ZFAND3: variants seen among roughly 807,000 people sequenced by gnomAD.
The protein encoded by ZFAND3 is zinc finger AN1-type containing 3.
In ZFAND3, 10 loss-of-function variants were observed where a neutral mutation model predicts 29.6. The ratio of observed to expected loss-of-function variants is 0.34; its 90% confidence interval spans 0.21 to 0.57. The LOEUF (loss-of-function observed/expected upper bound fraction) is 0.57, where lower values mean the gene tolerates loss of function less well. Ranked by LOEUF, ZFAND3 falls within the 20% of genes least tolerant of loss-of-function variation. The pLI, the probability that ZFAND3 is intolerant of heterozygous loss-of-function variation, is 0.86. For missense variants in ZFAND3, 230 were observed against 304.5 expected (o/e 0.76, Z 1.82); for synonymous variants, 128 against 112.6 (o/e 1.14, Z -0.87).
chr6:38,017,845 A>AT (rs1466764478), intron 2 of ZFAND3, among the ~76,000 whole-genome samples: 1 of 152,224 alleles, frequency 6.6e-6, no homozygotes, highest in Non-Finnish European at 1.5e-5. Context: ...ACTACAGAAA[A>AT]TAATATTCAT....
chr6:38,112,442 A>C (rs11753563), intron 4 of ZFAND3, among the ~76,000 whole-genome samples: 10,382 of 151,364 alleles, frequency 0.069, 425 homozygotes, highest in Non-Finnish European at 0.087. Flanking sequence ...TGCTTCTGAC[A>C]GTTAAAGCTG....
At chr6:38,127,979 C>G (rs922680402) in intron 5 of ZFAND3, among the ~76,000 whole-genome samples, 11 of 152,190 alleles carry the variant, frequency 7.2e-5, no homozygotes, top group Admixed American at 6.5e-4. Context: ...ATTTCTTGGT[C>G]TTTCTTCCAA....
At position 38,103,047 on chromosome 6, in the gene ZFAND3, G is replaced by A. The variant is rs562777022; in HGVS notation, c.362-13525G>A. ...GCTGGGATTATAGGCGTGAGCCACCGCGCCTGGCTGGAAGTTTAACTTCTA... is the reference window on the plus strand; with the variant it reads ...GCTGGGATTATAGGCGTGAGCCACCACGCCTGGCTGGAAGTTTAACTTCTA... On this transcript the variant is annotated intron_variant, in intron 4 of 5. Coordinates refer to ENST00000287218, the MANE Select transcript of ZFAND3 (RefSeq NM_021943.3). Among the ~76,000 whole-genome samples, 7 of 152,262 alleles carry A rather than the reference G, an allele frequency of 4.6e-5. No homozygotes were observed. In the East Asian group the frequency reaches 5.8e-4, roughly 13 times the overall value.
chr6:37,969,823 A>C (rs1056492305), intron 2 of ZFAND3, among the ~76,000 whole-genome samples: 1 of 152,204 alleles, frequency 6.6e-6, no homozygotes, highest in Non-Finnish European at 1.5e-5. Context: ...CTCCCTAAAA[A>C]TCTGAGGGAA....
At chr6:37,882,998 C>G (rs1225979696) in intron 1 of ZFAND3, among the ~76,000 whole-genome samples, 1 of 152,110 alleles carries the variant, frequency 6.6e-6, no homozygotes, top group Non-Finnish European at 1.5e-5. Context: ...GCAGAAGAAT[C>G]ATTTGAGGCC....
At chr6:38,129,014 A>G (rs1765690929) in intron 5 of ZFAND3, among the ~76,000 whole-genome samples, 1 of 152,192 alleles carries the variant, frequency 6.6e-6, no homozygotes, top group Admixed American at 6.5e-5. Flanking sequence ...TTTTTTGATT[A>G]TGATCATTCT....
chr6:38,012,743 T>TA (rs1237853364), intron 2 of ZFAND3, among the ~76,000 whole-genome samples: 1 of 152,166 alleles, frequency 6.6e-6, no homozygotes. Context: ...GAATGGCAGT[T>TA]AAAGGCCTTT....
chr6:37,975,949 A>T, intron 2 of ZFAND3, among the ~76,000 whole-genome samples: 1 of 152,128 alleles, frequency 6.6e-6, no homozygotes. Context: ...GATTGCTGTG[A>T]ATGTGTAGAT....
At chr6:38,134,167 C>T in intron 5 of ZFAND3, among the ~76,000 whole-genome samples, 1 of 152,144 alleles carries the variant, frequency 6.6e-6, no homozygotes, top group East Asian at 1.9e-4. Flanking sequence ...ACAGCATGGT[C>T]ACCTTTTGGT....
chr6:38,111,534 C>T (rs931050006), intron 4 of ZFAND3, among the ~76,000 whole-genome samples: 2 of 152,188 alleles, frequency 1.3e-5, no homozygotes, highest in African/African-American at 4.8e-5. Flanking sequence ...CCCCACTCCT[C>T]CTTCGTCTCC....
chr6:37,886,902 G>C lies in ZFAND3; in HGVS notation c.72-43057G>C, dbSNP rs148947307. ...GCCTGTAATTCCAGCTACTCAGGAGGCTTAGGCACATGAATTGCTTGACCT... is the reference window on the plus strand; with the variant it reads ...GCCTGTAATTCCAGCTACTCAGGAGCCTTAGGCACATGAATTGCTTGACCT... On this transcript the variant is annotated intron_variant, in intron 1 of 5. Coordinates refer to ENST00000287218, the MANE Select transcript of ZFAND3 (RefSeq NM_021943.3). Among the ~76,000 whole-genome samples, 262 of 152,318 alleles carry C rather than the reference G, an allele frequency of 1.7e-3. 1 individual carries two copies. Among genetic ancestry groups the C allele is most frequent in the African/African-American group, 6.0e-3 (249 of 41,572 alleles).
intron 5 of ZFAND3, among the ~76,000 whole-genome samples, chr6:38,145,181 C>T (rs761095499): frequency 6.6e-5 from 10 of 152,196 alleles, no homozygotes; most frequent in Non-Finnish European, 1.2e-4. Context: ...TAGCCATTCC[C>T]TGTGGCCACT....
At chr6:37,981,291 G>C (rs1762576176) in intron 2 of ZFAND3, among the ~76,000 whole-genome samples, 1 of 152,228 alleles carries the variant, frequency 6.6e-6, no homozygotes, top group South Asian at 2.1e-4. Context: ...ACAACATGGT[G>C]AGGTCAACAG....
At chr6:37,959,066 TG>T (rs1393165752) in intron 2 of ZFAND3, among the ~76,000 whole-genome samples, 1 of 152,194 alleles carries the variant, frequency 6.6e-6, no homozygotes. Flanking sequence ...GCTAAGTCCT[TG>T]GGGTATAGAA....
chr6:38,058,049 C>T (rs1321876498), intron 2 of ZFAND3, among the ~76,000 whole-genome samples: 2 of 152,130 alleles, frequency 1.3e-5, no homozygotes, highest in Admixed American at 1.3e-4. Context: ...TTTTGAACTG[C>T]CAGTTCACAA....
chr6:38,105,163 GTTCA>G (rs1474091512), intron 4 of ZFAND3, among the ~76,000 whole-genome samples: 1 of 152,156 alleles, frequency 6.6e-6, no homozygotes, highest in Non-Finnish European at 1.5e-5. Flanking sequence ...TTGTGTTAGT[GTTCA>G]TTATTGCAAT....
chr6:37,857,656 C>T (rs913967738), intron 1 of ZFAND3, among the ~76,000 whole-genome samples: 3 of 152,032 alleles, frequency 2.0e-5, no homozygotes, highest in Admixed American at 6.6e-5. Context: ...GCTGAGGAGG[C>T]GACTTGTCGA....
At chr6:37,914,871 A>G (rs935071510) in intron 1 of ZFAND3, among the ~76,000 whole-genome samples, 3 of 150,370 alleles carry the variant, frequency 2.0e-5, no homozygotes, top group African/African-American at 7.5e-5. Context: ...TTCAACTTAA[A>G]GTCACCAGCT....
chr6:37,977,331 T>G (rs545502844), intron 2 of ZFAND3, among the ~76,000 whole-genome samples: 1 of 152,330 alleles, frequency 6.6e-6, no homozygotes, highest in African/African-American at 2.4e-5. Context: ...AGACTGAGTC[T>G]CGCTCTGTCG....
Sources: gnomAD v4.1 joint callset for allele counts (sites outside exome capture counted in the v4.1 genomes callset) on GRCh38, gnomAD v4.1.1 for gene constraint, MANE v1.5 for transcripts, NCBI Gene and HGNC (gene_info 2026-07-23, HGNC 2026-07-21) for gene names.